The following ADGRB1 variants were observed in gnomAD, a reference collection of about 807,000 sequenced individuals.
ADGRB1 encodes adhesion G protein-coupled receptor B1.
Under a neutral mutation model 175.7 loss-of-function variants are expected in ADGRB1, and 36 were observed. The ratio of observed to expected loss-of-function variants is 0.20; its 90% CI spans 0.16 to 0.27. ADGRB1 has a LOEUF of 0.27. Ranked by LOEUF, ADGRB1 falls within the 10% of genes least tolerant of loss-of-function variation. The pLI is 1.00. For missense variants in ADGRB1, 1,731 were observed against 2,255.3 expected (o/e 0.77, Z 4.71); for synonymous variants, 1,054 against 979.4 (o/e 1.08, Z -1.42).
intron 24 of ADGRB1, among the ~76,000 whole-genome samples, chr8:142,527,740 C>T (rs1030047895): frequency 1.3e-5 from 2 of 152,248 alleles, no homozygotes; most frequent in Non-Finnish European, 2.9e-5. Context: ...GCATGGCAGA[C>T]TGCCTACCTG....
intron 18 of ADGRB1, among the ~76,000 whole-genome samples, chr8:142,517,099 G>A (rs1012069175): frequency 2.6e-5 from 4 of 152,132 alleles, no homozygotes; most frequent in Non-Finnish European, 5.9e-5. Flanking sequence ...TGGGGGCACC[G>A]CTGGGGAAGA....
At chr8:142,523,406 G>GC (rs1419921961) in intron 22 of ADGRB1, among the ~76,000 whole-genome samples, 1 of 151,468 alleles carries the variant, frequency 6.6e-6, no homozygotes, top group Non-Finnish European at 1.5e-5. Context: ...TGAGTGGGAG[G>GC]GCGGAGCAGG....
chr8:142,495,746 A>G (rs554595289), intron 17 of ADGRB1, among the ~76,000 whole-genome samples: 1 of 152,160 alleles, frequency 6.6e-6, no homozygotes, highest in East Asian at 1.9e-4. Flanking sequence ...CCCCCGCCAA[A>G]CCCAGTGTGG....
chr8:142,543,529 A>T lies in ADGRB1; in HGVS notation c.4450-72A>T. On this transcript the variant is annotated intron_variant, in intron 29 of 30. Coordinates refer to ENST00000517894, the MANE Select transcript of ADGRB1 (RefSeq NM_001702.3). The surrounding 1 kb of genome is among the most constrained non-coding windows in gnomAD (Gnocchi z 4.4). Reference sequence around the variant, plus strand: ...CAGGCAGCTCCCCGGCAGCCAGGGGACGGGCGGGGCAGGCAGGATGGGCCA... The same window carrying T: ...CAGGCAGCTCCCCGGCAGCCAGGGGTCGGGCGGGGCAGGCAGGATGGGCCA... 1 of 1,596,262 alleles carries T rather than the reference A, an allele frequency of 6.3e-7. No homozygotes were observed.
intron 17 of ADGRB1, among the ~76,000 whole-genome samples, chr8:142,497,142 C>T: frequency 6.6e-6 from 1 of 152,228 alleles, no homozygotes; most frequent in East Asian, 1.9e-4. Context: ...AGACTGAGGC[C>T]CAGAGTGCTC....
chr8:142,537,072 C>T lies in ADGRB1; in HGVS notation c.3656C>T (p.Ala1219Val), dbSNP rs1844974644. The change falls in exon 26 of 31, where the codon GCC becomes GTC. Residue 1219 changes from alanine (A) to valine (V), a missense_variant. By Grantham distance (64) the Ala-to-Val change is moderately conservative. Transcript: ENST00000517894. The surrounding 1 kb of genome is among the most constrained non-coding windows in gnomAD (Gnocchi z 4.6). Reference sequence around the variant, plus strand: ...GGGGGCTCCTTCCAGAACGGCCACGCCCAGCTCATGGTAGGACTCAGGGCC... The same window carrying T: ...GGGGGCTCCTTCCAGAACGGCCACGTCCAGCTCATGGTAGGACTCAGGGCC... ...DSGGSFQNGHAQLMTDFEKDV... is the reference protein window; with the variant it reads ...DSGGSFQNGHVQLMTDFEKDV... 2.6e-6 allele frequency: 4 copies of T among 1,556,012 alleles called. No homozygotes were observed. The highest frequency in any genetic ancestry group is 3.5e-6 in the Non-Finnish European group (4 of 1,151,236).
chr8:142,484,058 G>A lies in ADGRB1; in HGVS notation c.2199+13G>A, dbSNP rs1173941995. 1.9e-6 allele frequency: 3 copies of A among 1,606,372 alleles called. No homozygotes were observed. Among genetic ancestry groups the A allele is most frequent in the Admixed American group, 1.7e-5 (1 of 57,490 alleles). ...GGAGGCCCAGCTGGTAGGGCCTGGG[G>A]CCCCTACGGTCAGCAGCCTCAGGAG... On this transcript the variant is annotated intron_variant, in intron 12 of 30. Coordinates refer to ENST00000517894, the MANE Select transcript of ADGRB1 (RefSeq NM_001702.3).
intron 17 of ADGRB1, among the ~76,000 whole-genome samples, chr8:142,496,645 A>G (rs577296112): frequency 7.2e-5 from 11 of 152,226 alleles, no homozygotes; most frequent in Non-Finnish European, 1.3e-4. Flanking sequence ...TACCGAGTAT[A>G]AAAGTCAGAG....
intron 27 of ADGRB1, 63 bp from the exon 28 acceptor site, chr8:142,541,878 G>A: frequency 1.4e-6 from 2 of 1,455,280 alleles, no homozygotes; most frequent in Middle Eastern, 2.3e-4. Context: ...TCCTGCTGGG[G>A]ACTGTCCTAC....
chr8:142,544,266 G>A lies in ADGRB1; in HGVS notation c.4604G>A (p.Arg1535Gln), dbSNP rs1845461370. The stretch of plus-strand genomic sequence containing the variant: ...AACAAGAGGCCCTGGGAGAGCCTCC[G>A]GAAAGCCCACGGGACGCCCACGTGG... ...TPNKRPWESLRKAHGTPTWVK... is the reference protein window; with the variant it reads ...TPNKRPWESLQKAHGTPTWVK... The change falls in exon 31 of 31, where the codon CGG becomes CAG. Residue 1535 changes from arginine to glutamine, a missense_variant. Physicochemically the swap from Arg to Gln is conservative, Grantham distance 43. Around this residue, in one of 8 missense-constraint regions of ADGRB1, gnomAD observed 394 missense variants for 410.2 expected, o/e 0.96. Transcript: ENST00000517894. 4 of 1,549,382 alleles carry A rather than the reference G, an allele frequency of 2.6e-6. No homozygotes were observed. Among genetic ancestry groups the A allele is most frequent in the Non-Finnish European group, 2.6e-6 (3 of 1,146,664 alleles).
chr8:142,479,589 C>T, intron 8 of ADGRB1, 102 bp downstream of exon 8: 2 of 1,546,648 alleles, frequency 1.3e-6, no homozygotes, highest in African/African-American at 1.4e-5. Context: ...GGGCTCCCGT[C>T]CTGTCCTCAT....
chr8:142,458,179 G>A lies in ADGRB1; in HGVS notation c.-219-5801G>A, dbSNP rs560952445. Among the ~76,000 whole-genome samples, 24 of 152,296 alleles carry A rather than the reference G, an allele frequency of 1.6e-4. 1 individual carries two copies. The highest frequency in any genetic ancestry group is 5.8e-4 in the African/African-American group (24 of 41,574). ...GGTCGGGTCTGTCCAGTGTGGACTGGACCCAGAGCGGGCATGGGGTGCCGA... is the reference window on the plus strand; with the variant it reads ...GGTCGGGTCTGTCCAGTGTGGACTGAACCCAGAGCGGGCATGGGGTGCCGA... On this transcript the variant is annotated intron_variant, in intron 1 of 30. Transcript: ENST00000517894.
At chr8:142,496,144 T>G (rs1182649676) in intron 17 of ADGRB1, among the ~76,000 whole-genome samples, 67 of 64,158 alleles carry the variant, frequency 1.0e-3, no homozygotes, top group Middle Eastern at 0.019. Context: ...TGAATAGGTG[T>G]GTGGGTGGGT....
chr8:142,525,195 C>T (rs1382397693), intron 23 of ADGRB1, among the ~76,000 whole-genome samples: 1 of 151,888 alleles, frequency 6.6e-6, no homozygotes. Flanking sequence ...GGCAGTGGGG[C>T]GCCATCCTTG....
At position 142,526,643 on chromosome 8, in the gene ADGRB1, C is replaced by T. The variant is rs762543267; in HGVS notation, c.3398+16C>T. On this transcript the variant is annotated intron_variant, in intron 24 of 30. Coordinates refer to ENST00000517894, the MANE Select transcript of ADGRB1 (RefSeq NM_001702.3). ...AGCGGGCAGGGTAGGACCGGGGCTA[C>T]GCGGCTCCTTGCCCACCCGGAGTGC... 11 of 1,605,428 alleles carry T rather than the reference C, an allele frequency of 6.9e-6. No homozygotes were observed. The highest frequency in any genetic ancestry group is 1.1e-5 in the South Asian group (1 of 89,112).
chr8:142,486,415 C>T (rs1641385442), intron 13 of ADGRB1, among the ~76,000 whole-genome samples: 2 of 152,360 alleles, frequency 1.3e-5, no homozygotes, highest in Non-Finnish European at 2.9e-5. Context: ...CTGCCATGAC[C>T]GGGTTGATGA....
chr8:142,522,182 G>C, intron 21 of ADGRB1, 67 bp downstream of exon 21: 2 of 1,562,246 alleles, frequency 1.3e-6, no homozygotes, highest in Non-Finnish European at 1.7e-6. Flanking sequence ...GTTCTGTCCT[G>C]GCAGCCCCTC....
At chr8:142,473,812 G>A (rs1364562239) in intron 2 of ADGRB1, among the ~76,000 whole-genome samples, 1 of 152,224 alleles carries the variant, frequency 6.6e-6, no homozygotes, top group African/African-American at 2.4e-5. Context: ...CAGCTGTGGT[G>A]GGTCAAGTCC....
chr8:142,490,920 C>T, intron 17 of ADGRB1, 105 bp downstream of exon 17: 1 of 1,419,672 alleles, frequency 7.0e-7, no homozygotes, highest in Non-Finnish European at 9.6e-7. Flanking sequence ...CCACTTGCCC[C>T]CCAGCTGTCT....
Sources: gnomAD v4.1 joint callset for allele counts (sites outside exome capture counted in the v4.1 genomes callset) on GRCh38, gnomAD v4.1.1 for gene constraint, gnomAD v4.1.1 regional missense constraint, Gnocchi (gnomAD v3.1) non-coding constraint, MANE v1.5 for transcripts, NCBI Gene and HGNC (gene_info 2026-07-23, HGNC 2026-07-21) for gene names.